The following CCDC57 variants were observed in gnomAD, a reference collection of about 807,000 sequenced individuals.
CCDC57 encodes coiled-coil domain containing 57, also known as coiled-coil domain-containing protein 57.
In CCDC57, 118 loss-of-function variants were observed where a neutral mutation model predicts 118.9. The ratio of observed to expected loss-of-function variants is 0.99; its 90% confidence interval spans 0.86 to 1.16. The LOEUF (loss-of-function observed/expected upper bound fraction) is 1.16, where lower values mean the gene tolerates loss of function less well. Ranked by LOEUF, CCDC57 falls within the 50% of genes most tolerant of loss-of-function variation. The pLI is 0.00. For missense variants in CCDC57, 1,300 were observed against 1,320.7 expected, an observed-to-expected ratio of 0.98 and a Z score of 0.24; for synonymous variants, 527 against 532.9, an observed-to-expected ratio of 0.99 and a Z score of 0.15.
At chr17:82,159,378 G>C (rs143756265) in intron 14 of CCDC57, among the ~76,000 whole-genome samples, 166 of 152,318 alleles carry the variant, frequency 1.1e-3, no homozygotes, top group Non-Finnish European at 1.3e-3. Flanking sequence ...GCAAAGCATC[G>C]GGGATCTGGA....
chr17:82,188,509 G>T (rs765493094), intron 7 of CCDC57, 90 bp from the exon 7 acceptor site: 1 of 1,274,220 alleles, frequency 7.8e-7, no homozygotes, highest in Non-Finnish European at 1.1e-6. Flanking sequence ...GCCCTGTCTC[G>T]TGCACAGGTG....
chr17:82,102,182 G>A (rs976673876), intron 19 of CCDC57, among the ~76,000 whole-genome samples: 80 of 152,252 alleles, frequency 5.3e-4, no homozygotes, highest in African/African-American at 1.9e-3. Flanking sequence ...GAGGGGGCAG[G>A]GGTGCTGTGT....
exon 13 of CCDC57, chr17:82,171,759 C>A (rs1273954813): frequency 3.7e-6 from 6 of 1,613,944 alleles, no homozygotes; most frequent in South Asian, 3.3e-5. Context: ...GTGAGGACAT[C>A]TTTAAAGGAT....
chr17:82,163,275 G>A (rs1599054658), exon 14 of CCDC57: 16 of 1,613,932 alleles, frequency 9.9e-6, no homozygotes, highest in African/African-American at 1.3e-5. Flanking sequence ...CCAGTCCAGA[G>A]GATACTGGGC....
At chr17:82,198,971 C>A (rs547264434) in intron 3 of CCDC57, among the ~76,000 whole-genome samples, 2 of 128,418 alleles carry the variant, frequency 1.6e-5, no homozygotes, top group African/African-American at 3.0e-5. Context: ...CCAGCCTGGG[C>A]GACAGAGCGA....
chr17:82,155,600 G>A (rs1425744342), intron 15 of CCDC57: 1 of 152,422 alleles, frequency 6.6e-6, no homozygotes, highest in Admixed American at 6.5e-5. Context: ...GGCCCTCTCA[G>A]GACAGAGCTG....
chr17:82,148,512 G>C (rs796819233), intron 16 of CCDC57, among the ~76,000 whole-genome samples: 686 of 6,224 alleles, frequency 0.11, no homozygotes, highest in Non-Finnish European at 0.14. Flanking sequence ...TACATGGATG[G>C]GTGGGTGGGT....
chr17:82,145,078 A>C (rs2040530574), intron 16 of CCDC57, among the ~76,000 whole-genome samples: 1 of 139,250 alleles, frequency 7.2e-6, no homozygotes, highest in South Asian at 2.3e-4. Flanking sequence ...GCTGGAGTGC[A>C]GTGGCTTGAT....
rs780367481 is a variant in CCDC57 at position 82,163,182 on chromosome 17, C to T, written c.2040+18G>A. On this transcript the variant is annotated intron_variant, in intron 14 of 19. Coordinates refer to ENST00000665763, the Ensembl canonical transcript of CCDC57. Reference sequence around the variant, plus strand: ...GCGGCTCTCTAGGAGGATGACCCCACAAACTTGACTGCCTCACCTTCTGTC... The same window carrying T: ...GCGGCTCTCTAGGAGGATGACCCCATAAACTTGACTGCCTCACCTTCTGTC... The T allele has an allele frequency of 8.2e-5, 132 of 1,611,380 alleles. No homozygotes were observed. Among genetic ancestry groups the T allele is most frequent in the Non-Finnish European group, 1.1e-4 (129 of 1,178,002 alleles).
intron 4 of CCDC57, 65 bp from the exon 4 acceptor site, chr17:82,195,429 C>G: frequency 7.8e-7 from 1 of 1,290,068 alleles, no homozygotes; most frequent in Non-Finnish European, 1.1e-6. Flanking sequence ...CACCCACGTC[C>G]TGGGAGGTGG....
chr17:82,151,326 C>T (rs571554973), intron 16 of CCDC57, among the ~76,000 whole-genome samples: 19 of 151,362 alleles, frequency 1.3e-4, no homozygotes, highest in African/African-American at 4.6e-4. Context: ...GAACCAGATG[C>T]ACACCCAGAA....
rs1050902320 is a variant in CCDC57, at chr17:82,197,165, G to A, written c.516+1149C>T. On this transcript the variant is annotated intron_variant, in intron 4 of 19. Transcript: ENST00000665763. ...ACAGCCCCTCGTGACTCCTGCAGAC[G>A]CAGCCCCTCGTGACTCCTGCAGAGA... 1.9e-4 allele frequency among the ~76,000 whole-genome samples: 26 copies of A among 140,202 alleles called. No individual in the cohort carries two copies. The East Asian group carries it at 2.4e-3, about 13-fold the overall frequency. The allele number at this position is 140,202 out of a possible 152,430, so 92.0% of individuals were successfully genotyped here.
intron 14 of CCDC57, among the ~76,000 whole-genome samples, chr17:82,161,763 G>C (rs899940140): frequency 2.0e-5 from 3 of 152,126 alleles, no homozygotes; most frequent in African/African-American, 4.8e-5. Flanking sequence ...ACTGCTGTGT[G>C]GTTATTGTAC....
intron 16 of CCDC57, among the ~76,000 whole-genome samples, chr17:82,140,734 T>C (rs2039901529): frequency 6.6e-6 from 1 of 152,150 alleles, no homozygotes; most frequent in Non-Finnish European, 1.5e-5. Context: ...CAGCAGCCAC[T>C]TGTAAGGAAC....
intron 8 of CCDC57, 95 bp from the exon 8 acceptor site, chr17:82,184,027 G>GCACA (rs759711817): frequency 0.01 from 3,292 of 325,926 alleles, 37 homozygotes; most frequent in Admixed American, 0.015. Flanking sequence ...GCGCGCGCGC[G>GCACA]CGCGCACACA....
chr17:82,144,370 A>G (rs2040430842), intron 16 of CCDC57, among the ~76,000 whole-genome samples: 1 of 152,194 alleles, frequency 6.6e-6, no homozygotes, highest in African/African-American at 2.4e-5. Flanking sequence ...CAGCTAAACC[A>G]TCATTCTAGA....
chr17:82,175,733 G>A (rs1393359309), intron 11 of CCDC57: 1 of 152,198 alleles, frequency 6.6e-6, no homozygotes, highest in Non-Finnish European at 1.5e-5. Context: ...CTGAGGCTGT[G>A]TCACCGGTGC....
intron 19 of CCDC57, among the ~76,000 whole-genome samples, chr17:82,104,219 TTC>T (rs1400444080): frequency 6.6e-6 from 1 of 152,244 alleles, no homozygotes; most frequent in African/African-American, 2.4e-5. Flanking sequence ...TGGCCGGGAT[TTC>T]TCTTTCTGCG....
intron 16 of CCDC57, among the ~76,000 whole-genome samples, chr17:82,150,316 T>C (rs74468810): frequency 0.17 from 3,041 of 17,796 alleles, 581 homozygotes; most frequent in Middle Eastern, 0.4. Context: ...CAGAACCAGG[T>C]GCACACTCAG....
Sources: allele counts gnomAD v4.1 joint callset (sites outside exome capture counted in the v4.1 genomes callset), GRCh38; gene constraint gnomAD v4.1.1; transcripts MANE v1.5; gene names NCBI Gene and HGNC (gene_info 2026-07-23, HGNC 2026-07-21).